Variants in NEUROD4 observed in about 807,000 individuals in gnomAD.
NEUROD4 encodes neuronal differentiation 4, also known as neurogenic differentiation factor 4.
Under a neutral mutation model 19.8 loss-of-function variants are expected in NEUROD4, and 16 were observed. That is an observed-to-expected ratio of 0.81 (90% CI 0.55 to 1.23). The LOEUF is 1.23. NEUROD4 is among the 50% of genes most tolerant of loss of function. The pLI, the probability that NEUROD4 is intolerant of heterozygous loss-of-function variation, is 0.00. For synonymous variants in NEUROD4, 153 were observed against 147.9 expected (o/e 1.03, Z -0.25); for missense variants, 439 against 398.6 (o/e 1.10, Z -0.86).
intron 1 of NEUROD4, among the ~76,000 whole-genome samples, chr12:55,024,442 A>G (rs920401378): frequency 6.6e-6 from 1 of 152,188 alleles, no homozygotes; most frequent in African/African-American, 2.4e-5. Flanking sequence ...AAGGTTTTCT[A>G]TAAGAAACAT....
intron 1 of NEUROD4, among the ~76,000 whole-genome samples, chr12:55,025,151 T>C (rs962447987): frequency 6.6e-6 from 1 of 152,244 alleles, no homozygotes; most frequent in African/African-American, 2.4e-5. Flanking sequence ...AAAAATTGCT[T>C]AGCAAACTTT....
intron 1 of NEUROD4, among the ~76,000 whole-genome samples, chr12:55,021,188 G>A (rs1952671620): frequency 6.6e-6 from 1 of 152,148 alleles, no homozygotes; most frequent in African/African-American, 2.4e-5. Context: ...GTACATACAT[G>A]TGCACATATA....
intron 1 of NEUROD4, among the ~76,000 whole-genome samples, chr12:55,025,702 G>T (rs1462025739): frequency 1.3e-5 from 2 of 152,172 alleles, no homozygotes; most frequent in African/African-American, 4.8e-5. Flanking sequence ...ATGTTTGATG[G>T]TCACGTGTTG....
Position 55,028,194 on chromosome 12 carries a change from T to C in NEUROD4, c.*759T>C, listed in dbSNP as rs1215264243. On this transcript the variant is annotated 3_prime_UTR_variant, in exon 2 of 2. Transcript: ENST00000242994. ...GAAGAACCATAATAGAGAACCATAA[T>C]AGAGGCCTCATGCCAACTTTATTCT... 1.8e-5 allele frequency: 3 copies of C among 165,580 alleles called. No homozygotes were observed. Among genetic ancestry groups the C allele is most frequent in the Non-Finnish European group, 2.9e-5 (2 of 68,112 alleles). 10.3% of individuals were successfully genotyped at this position (165,580 alleles called of 1,614,324 possible).
rs1380529431 is a variant in NEUROD4 at position 55,027,578 on chromosome 12, C to T, written c.*143C>T. On this transcript the variant is annotated 3_prime_UTR_variant, in exon 2 of 2. Coordinates refer to ENST00000242994, the MANE Select transcript of NEUROD4 (RefSeq NM_021191.3). ...TCAAGTCCATTTAGGCTTTCCTTCA[C>T]CTATCACCTCTTTTCTCATCACCTT... 1.3e-6 allele frequency: 1 copy of T among 746,226 alleles called. No homozygotes were observed. Among genetic ancestry groups the T allele is most frequent in the Non-Finnish European group, 2.2e-6 (1 of 446,318 alleles). The allele number at this position is 746,226 out of a possible 1,614,324, so 46.2% of individuals were successfully genotyped here.
chr12:55,022,315 C>A (rs1027091287), intron 1 of NEUROD4, among the ~76,000 whole-genome samples: 7 of 151,946 alleles, frequency 4.6e-5, no homozygotes, highest in Non-Finnish European at 8.8e-5. Context: ...CTGGAGACAA[C>A]CCTTGGTTTC....
chr12:55,021,447 G>A (rs539140676), intron 1 of NEUROD4, among the ~76,000 whole-genome samples: 2 of 152,288 alleles, frequency 1.3e-5, no homozygotes, highest in African/African-American at 4.8e-5. Context: ...CAGCTTTTAA[G>A]AGGAAAGACA....
At chr12:55,022,548 A>C (rs1952681570) in intron 1 of NEUROD4, among the ~76,000 whole-genome samples, 1 of 152,154 alleles carries the variant, frequency 6.6e-6, no homozygotes, top group African/African-American at 2.4e-5. Flanking sequence ...TATTATCCTC[A>C]GAGCTCTGCC....
Position 55,025,766 on chromosome 12 carries a change from G to C in NEUROD4, c.-9-665G>C, listed in dbSNP as rs537537169. Among the ~76,000 whole-genome samples, 211 of 152,320 alleles carry C rather than the reference G, an allele frequency of 1.4e-3. 1 individual carries two copies. Among genetic ancestry groups the C allele is most frequent in the Non-Finnish European group, 2.4e-3 (160 of 68,012 alleles). On this transcript the variant is annotated intron_variant, in intron 1 of 1. Coordinates refer to ENST00000242994, the MANE Select transcript of NEUROD4 (RefSeq NM_021191.3). ...GTCACATGTTGGACCAGCCAGTTGT[G>C]TCATGGACAACTTGAAGGAGATGAT...
rs148711348 is a variant in NEUROD4, at chr12:55,027,393, T to C, written c.954T>C (p.His318=). 5.7e-4 allele frequency: 918 copies of C among 1,613,344 alleles called. 4 individuals are homozygous for C. The highest frequency in any genetic ancestry group is 2.7e-4 in the East Asian group (12 of 44,888). ...ACATGTCCTATGATTCCTACCCCCA[T>C]CATGGTATTGGGACCCAACTCAATA... is the stretch of plus-strand genomic sequence containing the variant. ...PIDMSYDSYP[H]HGIGTQLNTV... The change falls in exon 2 of 2, where the codon CAT becomes CAC. Residue 318 remains histidine (H), a synonymous_variant. Coordinates refer to ENST00000242994, the MANE Select transcript of NEUROD4 (RefSeq NM_021191.3).
rs748127387 is a variant in NEUROD4 at position 55,027,442 on chromosome 12, TA to T, written c.*9del. ...TACAGTCTTCACTGAGTGAGGCAGT[TA>T]AGTTCAATGTTTCAGAGAATGACGT... On this transcript the variant is annotated 3_prime_UTR_variant, in exon 2 of 2. Transcript: ENST00000242994. 1 of 1,581,850 alleles carries T rather than the reference TA, an allele frequency of 6.3e-7. No individual in the cohort carries two copies. The highest frequency in any genetic ancestry group is 1.4e-5 in the African/African-American group (1 of 73,728).
chr12:55,026,965 C>T lies in NEUROD4; in HGVS notation c.526C>T (p.Leu176=), dbSNP rs752097912. 17 of 1,614,186 alleles carry T rather than the reference C, an allele frequency of 1.1e-5. No homozygotes were observed. The South Asian group carries it at 1.6e-4, about 16-fold the overall frequency. ...TSNLVAGCLQ[L]GPQSVLLEKH... ...CAACCTGGTGGCTGGATGTCTCCAA[C>T]TGGGCCCTCAGTCTGTCCTCCTGGA... The change falls in exon 2 of 2, where the codon CTG becomes TTG. Residue 176 remains leucine (L), a synonymous_variant. Coordinates refer to ENST00000242994, the MANE Select transcript of NEUROD4 (RefSeq NM_021191.3).
rs947111742 is a variant in NEUROD4, at chr12:55,029,897, G to C, written c.*2462G>C. ...AGAGCCTGCTCTCCAACATAGGGTG[G>C]TCTCATTCTTCTGGAGACTTTTTTA... On this transcript the variant is annotated 3_prime_UTR_variant, in exon 2 of 2. Coordinates refer to ENST00000242994, the MANE Select transcript of NEUROD4 (RefSeq NM_021191.3). The C allele has an allele frequency of 1.2e-5, 2 of 166,994 alleles. No homozygotes were observed. Among genetic ancestry groups the C allele is most frequent in the African/African-American group, 4.8e-5 (2 of 41,426 alleles). The allele number at this position is 166,994 out of a possible 1,614,324, so 10.3% of individuals were successfully genotyped here.
rs1299823372 is a variant in NEUROD4 at position 55,027,392 on chromosome 12, A to G, written c.953A>G (p.His318Arg). ...PIDMSYDSYP[H>R]HGIGTQLNTV... is the part of the protein sequence containing the mutation. ...GACATGTCCTATGATTCCTACCCCCATCATGGTATTGGGACCCAACTCAAT... is the reference window on the plus strand; with the variant it reads ...GACATGTCCTATGATTCCTACCCCCGTCATGGTATTGGGACCCAACTCAAT... Residue 318 changes from histidine to arginine, a missense_variant, in exon 2 of 2, where the codon CAT (histidine) becomes CGT (arginine). Coordinates refer to ENST00000242994, the MANE Select transcript of NEUROD4 (RefSeq NM_021191.3). 32 of 1,613,186 alleles carry G rather than the reference A, an allele frequency of 2.0e-5. No homozygotes were observed. The highest frequency in any genetic ancestry group is 2.6e-5 in the Non-Finnish European group (31 of 1,179,440).
chr12:55,021,342 A>G (rs1468867965), intron 1 of NEUROD4, among the ~76,000 whole-genome samples: 1 of 152,190 alleles, frequency 6.6e-6, no homozygotes, highest in African/African-American at 2.4e-5. Flanking sequence ...AAAAGAATTT[A>G]GTCTATTTAG....
chr12:55,023,342 T>C (rs1046952924), intron 1 of NEUROD4, among the ~76,000 whole-genome samples: 6 of 152,134 alleles, frequency 3.9e-5, no homozygotes, highest in African/African-American at 1.4e-4. Context: ...AGAAATAATT[T>C]TTATTTTTGA....
chr12:55,024,273 C>G (rs1046837999), intron 1 of NEUROD4, among the ~76,000 whole-genome samples: 3 of 151,986 alleles, frequency 2.0e-5, no homozygotes, highest in Non-Finnish European at 4.4e-5. Context: ...AGAAGAAGAA[C>G]AAGGAAAATA....
Position 55,029,754 on chromosome 12 carries a change from T to C in NEUROD4, c.*2319T>C, listed in dbSNP as rs1391903856. The C allele has an allele frequency of 6.0e-6, 1 of 167,058 alleles. No individual in the cohort carries two copies. Among genetic ancestry groups the C allele is most frequent in the East Asian group, 1.9e-4 (1 of 5,202 alleles). 10.3% of individuals were successfully genotyped at this position (167,058 alleles called of 1,614,324 possible). On this transcript the variant is annotated 3_prime_UTR_variant, in exon 2 of 2. Coordinates refer to ENST00000242994, the MANE Select transcript of NEUROD4 (RefSeq NM_021191.3). ...AGTCTAAAATGAGCCAGAGTTATTCTTTAATAATCTGCTGTTTATGCCTTT... is the reference window on the plus strand; with the variant it reads ...AGTCTAAAATGAGCCAGAGTTATTCCTTAATAATCTGCTGTTTATGCCTTT...
Position 55,026,705 on chromosome 12 carries a change from G to C in NEUROD4, c.266G>C (p.Arg89Thr). Reference sequence around the variant, plus strand: ...CGCCTTGAGAGATTCAGGGCTCGAAGAGTCAAGGCTAATGCCAGAGAACGG... The same window carrying C: ...CGCCTTGAGAGATTCAGGGCTCGAACAGTCAAGGCTAATGCCAGAGAACGG... ...KARLERFRAR[R>T]VKANARERTR... is the part of the protein sequence containing the mutation. The change falls in exon 2 of 2, where the codon AGA (arginine) becomes ACA (threonine). Residue 89 changes from arginine (R) to threonine (T), a missense_variant. Physicochemically the swap from Arg to Thr is moderately conservative, Grantham distance 71. Transcript: ENST00000242994. 1 of 1,614,198 alleles carries C rather than the reference G, an allele frequency of 6.2e-7. No individual in the cohort carries two copies. The highest frequency in any genetic ancestry group is 8.5e-7 in the Non-Finnish European group (1 of 1,180,032).
Sources: allele counts gnomAD v4.1 joint callset (sites outside exome capture counted in the v4.1 genomes callset), GRCh38; gene constraint gnomAD v4.1.1; transcripts MANE v1.5; gene names NCBI Gene and HGNC (gene_info 2026-07-23, HGNC 2026-07-21).